The following HYAL1 variants were observed in gnomAD, a reference collection of about 807,000 sequenced individuals.
The protein encoded by HYAL1 is hyaluronidase-1.
In HYAL1, 21 loss-of-function variants were observed where a neutral mutation model predicts 28.8. That is an observed-to-expected ratio of 0.73 (90% CI 0.52 to 1.05). The LOEUF (loss-of-function observed/expected upper bound fraction) is 1.05, where lower values mean the gene tolerates loss of function less well. HYAL1 is among the 50% of genes least tolerant of loss of function. HYAL1 has a pLI of 0.00. For missense variants in HYAL1, 491 were observed against 579.2 expected, an observed-to-expected ratio of 0.85 and a Z score of 1.56; for synonymous variants, 200 against 230.1, an observed-to-expected ratio of 0.87 and a Z score of 1.18.
chr3:50,307,574 G>A (rs1477931104), upstream of HYAL1, among the ~76,000 whole-genome samples: 2 of 141,862 alleles, frequency 1.4e-5, no homozygotes, highest in Non-Finnish European at 3.0e-5. Flanking sequence ...CCAGCTACTC[G>A]GGAGGCTGAG....
chr3:50,307,002 G>A (rs141810259), upstream of HYAL1, among the ~76,000 whole-genome samples: 15 of 150,850 alleles, frequency 9.9e-5, no homozygotes, highest in Non-Finnish European at 1.9e-4. Context: ...CTTGGAAGGC[G>A]GAGGTTGCAG....
rs2109304097 is a variant in HYAL1, at chr3:50,301,014, C to T, written c.964G>A (p.Val322Met). The T allele has an allele frequency of 6.2e-7, 1 of 1,600,934 alleles. No individual in the cohort carries two copies. Among genetic ancestry groups the T allele is most frequent in the Non-Finnish European group, 8.5e-7 (1 of 1,173,660 alleles). ...AQGAAGVVLW[V>M]SWENTRTKES... ...TTGGTTCTTGTATTTTCCCAGCTCA[C>T]CCAGAGCACCACTCCAGCTGCCCCC... Residue 322 changes from valine (V) to methionine (M), a missense_variant, in exon 3 of 4, where the codon GTG becomes ATG. Val to Met is a conservative substitution (Grantham distance 21, BLOSUM62 1). Coordinates refer to ENST00000395144, the MANE Select transcript of HYAL1 (RefSeq NM_033159.4).
At chr3:50,303,030 C>G in intron 1 of HYAL1, 50 bp from the exon 2 acceptor site, 1 of 1,408,924 alleles carries the variant, frequency 7.1e-7, no homozygotes. Flanking sequence ...CTCCGATTCC[C>G]CCACTGCTCA....
In HYAL1 at chr3:50,301,082, G is replaced by A; in HGVS notation, c.901-5C>T. On this transcript the variant is annotated splice_polypyrimidine_tract_variant and splice_region_variant and intron_variant, in intron 2 of 3. Coordinates refer to ENST00000395144, the MANE Select transcript of HYAL1 (RefSeq NM_033159.4). ...CAGGCTGTGCTCCAGCTCATCCTGG[G>A]AAGGAGACAGCACAGCTCTGTGGGG... is the stretch of plus-strand genomic sequence containing the variant. 1 of 1,603,312 alleles carries A rather than the reference G, an allele frequency of 6.2e-7. No individual in the cohort carries two copies. Among genetic ancestry groups the A allele is most frequent in the Non-Finnish European group, 8.5e-7 (1 of 1,170,646 alleles).
intron 1 of HYAL1, among the ~76,000 whole-genome samples, chr3:50,311,012 A>AC (rs1238203330): frequency 6.6e-6 from 1 of 152,186 alleles, no homozygotes; most frequent in East Asian, 1.9e-4. Flanking sequence ...TTCTACACAG[A>AC]CATGGCAACC....
intron 2 of HYAL1, among the ~76,000 whole-genome samples, chr3:50,309,057 T>C (rs1328572448): frequency 6.6e-6 from 1 of 151,356 alleles, no homozygotes; most frequent in Non-Finnish European, 1.5e-5. Flanking sequence ...AGTACAGTCC[T>C]ATGAACAAAA....
upstream of HYAL1, among the ~76,000 whole-genome samples, chr3:50,304,296 A>AAAAAAAAATATAT (rs1553713686): frequency 3.3e-5 from 1 of 30,474 alleles, no homozygotes; most frequent in Non-Finnish European, 6.1e-5. Flanking sequence ...AAAAAAAAAA[A>AAAAAAAAATATAT]ATATATATAT....
intron 2 of HYAL1, 79 bp from the exon 3 acceptor site, chr3:50,301,156 A>G: frequency 1.1e-6 from 1 of 948,120 alleles, no homozygotes; most frequent in Non-Finnish European, 1.7e-6. Context: ...TAGATGGGAC[A>G]AATAATTCAT....
At chr3:50,307,695 A>C (rs1286216669), upstream of HYAL1, among the ~76,000 whole-genome samples, 12 of 149,910 alleles carry the variant, frequency 8.0e-5, no homozygotes, top group Non-Finnish European at 1.5e-4. Context: ...AAAAAAAAAA[A>C]AAAAAAAAAC....
intron 1 of HYAL1, among the ~76,000 whole-genome samples, chr3:50,311,988 C>T (rs1702475477): frequency 1.4e-5 from 2 of 141,520 alleles, no homozygotes; most frequent in Non-Finnish European, 3.1e-5. Context: ...CGCCCCTCAT[C>T]TCCCGGACGG....
intron 1 of HYAL1, among the ~76,000 whole-genome samples, chr3:50,311,667 G>A: frequency 7.0e-6 from 1 of 143,530 alleles, no homozygotes; most frequent in Admixed American, 6.9e-5. Context: ...GCCGGGCGGG[G>A]GGCTGACCCC....
intron 2 of HYAL1, among the ~76,000 whole-genome samples, chr3:50,301,335 G>A (rs587765109): frequency 1.3e-5 from 2 of 152,338 alleles, no homozygotes; most frequent in African/African-American, 4.8e-5. Context: ...GTGCCCATGC[G>A]CCAGGCGCGG....
At chr3:50,308,823 T>C (rs1240747452) in intron 2 of HYAL1, among the ~76,000 whole-genome samples, 2 of 148,590 alleles carry the variant, frequency 1.3e-5, no homozygotes, top group Non-Finnish European at 3.0e-5. Flanking sequence ...CTCTGGCTCC[T>C]GGGTTCAAGC....
At position 50,302,779 on chromosome 3, in the gene HYAL1, C is replaced by A. The variant is rs1362475152; in HGVS notation, c.178G>T (p.Ala60Ser). Residue 60 changes from alanine to serine, a missense_variant, in exon 2 of 4, where the codon GCC (alanine) becomes TCC (serine). Ala to Ser is a moderately conservative substitution (Grantham distance 99). Transcript: ENST00000395144. This position sits in a 1 kb window ranked among gnomAD's most constrained non-coding sequence, Gnocchi z 5.0. Reference protein sequence around the residue: ...DVDVSVFDVVANPGQTFRGPD... With the variant: ...DVDVSVFDVVSNPGQTFRGPD... The stretch of plus-strand genomic sequence containing the variant: ...CCGCGGAAGGTCTGCCCTGGGTTGG[C>A]TACCACATCGAAGACACTGACATCC... 6.2e-7 allele frequency: 1 copy of A among 1,614,034 alleles called. No individual in the cohort carries two copies. The highest frequency in any genetic ancestry group is 8.5e-7 in the Non-Finnish European group (1 of 1,180,022).
At chr3:50,306,269 A>G (rs976250969), upstream of HYAL1, among the ~76,000 whole-genome samples, 3 of 147,122 alleles carry the variant, frequency 2.0e-5, no homozygotes, top group Non-Finnish European at 4.4e-5. Flanking sequence ...CCAAAAGGAA[A>G]GCAAGTTTTT....
intron 1 of HYAL1, among the ~76,000 whole-genome samples, chr3:50,310,891 A>G (rs1401092873): frequency 6.6e-6 from 1 of 151,690 alleles, no homozygotes; most frequent in Non-Finnish European, 1.5e-5. Flanking sequence ...GACACAGCAC[A>G]TGTTTCAGAG....
intron 1 of HYAL1, among the ~76,000 whole-genome samples, chr3:50,311,320 C>T (rs1442111382): frequency 6.1e-5 from 7 of 115,020 alleles, no homozygotes; most frequent in South Asian, 6.4e-4. Flanking sequence ...GGGGGGCTGA[C>T]CCCCCCACCT....
chr3:50,304,296 A>AAAAAAAAATATATAT (rs1553713686), upstream of HYAL1, among the ~76,000 whole-genome samples: 3 of 30,474 alleles, frequency 9.8e-5, no homozygotes, highest in Non-Finnish European at 1.2e-4. Context: ...AAAAAAAAAA[A>AAAAAAAAATATATAT]ATATATATAT....
chr3:50,308,688 G>A (rs1271255862), intron 2 of HYAL1, among the ~76,000 whole-genome samples: 11 of 148,508 alleles, frequency 7.4e-5, no homozygotes, highest in African/African-American at 2.8e-4. Flanking sequence ...GCCCACCTTG[G>A]CCTCCCAAAG....
Sources: allele counts gnomAD v4.1 joint callset (sites outside exome capture counted in the v4.1 genomes callset), GRCh38; gene constraint gnomAD v4.1.1; non-coding constraint Gnocchi (gnomAD v3.1); transcripts MANE v1.5; gene names NCBI Gene and HGNC (gene_info 2026-07-23, HGNC 2026-07-21).